GLIS3: variants seen among roughly 807,000 people sequenced by gnomAD.
GLIS3 encodes GLIS family zinc finger 3.
A neutral mutation model predicts 78.6 loss-of-function variants in GLIS3; 53 were observed. The ratio of observed to expected loss-of-function variants is 0.67; its 90% confidence interval spans 0.54 to 0.85. The LOEUF is 0.85. Among genes scored for constraint, GLIS3 ranks in the 40% least tolerant of loss-of-function variants. The pLI is 0.00. For missense variants in GLIS3, 1,703 were observed against 1,231.1 expected, an observed-to-expected ratio of 1.38 and a Z score of -5.74; for synonymous variants, 684 against 509.9, an observed-to-expected ratio of 1.34 and a Z score of -4.60.
the GLIS3 span, among the ~76,000 whole-genome samples, chr9:4,366,284 C>A: frequency 1.3e-5 from 2 of 151,710 alleles, no homozygotes; most frequent in Non-Finnish European, 3.0e-5. Flanking sequence ...GAATCATTGT[C>A]GTCAAATAAT....
chr9:4,466,270 C>T, the GLIS3 span, among the ~76,000 whole-genome samples: 9 of 152,250 alleles, frequency 5.9e-5, no homozygotes, highest in Middle Eastern at 0.01. Flanking sequence ...ATAGAAAACT[C>T]GAACTGCCCA....
the GLIS3 span, among the ~76,000 whole-genome samples, chr9:4,372,560 A>T: frequency 2.0e-5 from 3 of 151,708 alleles, no homozygotes; most frequent in African/African-American, 7.3e-5. Flanking sequence ...CCAATAAAAA[A>T]AAAAAAAAAA....
intron 2 of GLIS3, among the ~76,000 whole-genome samples, chr9:4,208,197 T>C (rs1292512116): frequency 1.3e-5 from 2 of 152,222 alleles, no homozygotes; most frequent in African/African-American, 4.8e-5. Flanking sequence ...AAGAAACTGA[T>C]TTCTAAAATA....
At chr9:4,483,019 G>C in the GLIS3 span, among the ~76,000 whole-genome samples, 2 of 152,186 alleles carry the variant, frequency 1.3e-5, no homozygotes, top group African/African-American at 4.8e-5. Flanking sequence ...TCTTCCAGGA[G>C]CTGAGTGGCC....
rs753240320 is a variant in GLIS3, at chr9:4,286,153, G to A, written c.273C>T (p.Leu91=). Residue 91 remains leucine, a synonymous_variant, in exon 2 of 11, where the codon CTC becomes CTT. Transcript: ENST00000381971. ...LPALSPRRQM[L]TNGKPRFQVT... Reference sequence around the variant, plus strand: ...CCTGGAATCGCGGCTTCCCATTGGTGAGCATTTGTCTCCTGGGGCTTAAGG... The same window carrying A: ...CCTGGAATCGCGGCTTCCCATTGGTAAGCATTTGTCTCCTGGGGCTTAAGG... 77 of 1,614,034 alleles carry A rather than the reference G, an allele frequency of 4.8e-5. No homozygotes were observed. In the South Asian group the frequency reaches 5.1e-4, roughly 11 times the overall value.
chr9:3,949,964 T>G (rs1442016382), intron 4 of GLIS3, among the ~76,000 whole-genome samples: 1 of 152,098 alleles, frequency 6.6e-6, no homozygotes, highest in African/African-American at 2.4e-5. Context: ...CTATTCAACA[T>G]CTCTACACTG....
At chr9:4,034,753 C>T (rs1167681758) in intron 4 of GLIS3, 1 of 152,222 alleles carries the variant, frequency 6.6e-6, no homozygotes, top group Non-Finnish European at 1.5e-5. Context: ...AACCTGAGCA[C>T]TTCTTGGGGG....
intron 4 of GLIS3, among the ~76,000 whole-genome samples, chr9:3,957,611 A>C (rs1271480835): frequency 2.6e-5 from 4 of 152,216 alleles, no homozygotes; most frequent in Non-Finnish European, 5.9e-5. Flanking sequence ...AGTGATTTTA[A>C]ATAGAAGTCA....
At chr9:3,947,228 C>A (rs1164153080) in intron 4 of GLIS3, among the ~76,000 whole-genome samples, 1 of 152,224 alleles carries the variant, frequency 6.6e-6, no homozygotes, top group Non-Finnish European at 1.5e-5. Flanking sequence ...ATGAGAATTG[C>A]CACTTCTTGC....
At chr9:4,049,230 G>A (rs1230621454) in intron 4 of GLIS3, among the ~76,000 whole-genome samples, 1 of 152,166 alleles carries the variant, frequency 6.6e-6, no homozygotes, top group Non-Finnish European at 1.5e-5. Context: ...TGTACTGCTT[G>A]TCAAAATACT....
chr9:4,253,375 G>C (rs1235854693), intron 2 of GLIS3, among the ~76,000 whole-genome samples: 2 of 152,250 alleles, frequency 1.3e-5, no homozygotes, highest in African/African-American at 2.4e-5. Flanking sequence ...GCTCTGCCCA[G>C]TTTGAAATTC....
At chr9:3,902,307 A>C (rs761111525) in intron 6 of GLIS3, among the ~76,000 whole-genome samples, 5 of 152,184 alleles carry the variant, frequency 3.3e-5, no homozygotes, top group Non-Finnish European at 7.3e-5. Flanking sequence ...AGTGTCCCTC[A>C]CAGATCTTCA....
intron 2 of GLIS3, among the ~76,000 whole-genome samples, chr9:4,192,517 GT>G (rs1818417588): frequency 6.6e-6 from 1 of 152,210 alleles, no homozygotes; most frequent in South Asian, 2.1e-4. Flanking sequence ...AGAACTGCCT[GT>G]ACTGGTTTCA....
intron 4 of GLIS3, among the ~76,000 whole-genome samples, chr9:4,050,546 T>C (rs1417617915): frequency 1.3e-5 from 2 of 152,118 alleles, no homozygotes; most frequent in Non-Finnish European, 2.9e-5. Context: ...TGTATACCCA[T>C]GTATCAAACC....
intron 2 of GLIS3, among the ~76,000 whole-genome samples, chr9:4,310,922 C>T (rs567797240): frequency 3.9e-5 from 6 of 152,210 alleles, no homozygotes; most frequent in East Asian, 3.8e-4. Context: ...TGTCTAAAAT[C>T]GTAGTCTGAA....
At chr9:4,401,379 C>T in the GLIS3 span, among the ~76,000 whole-genome samples, 1 of 151,748 alleles carries the variant, frequency 6.6e-6, no homozygotes, top group Non-Finnish European at 1.5e-5. Flanking sequence ...CCTGCCTCAG[C>T]CTCCCGATTA....
At chr9:3,911,508 C>G (rs1824151097) in intron 6 of GLIS3, among the ~76,000 whole-genome samples, 1 of 152,092 alleles carries the variant, frequency 6.6e-6, no homozygotes, top group Non-Finnish European at 1.5e-5. Context: ...TAAATGTCTG[C>G]CCCAAACTAA....
chr9:3,999,815 T>C (rs1212014135), intron 4 of GLIS3, among the ~76,000 whole-genome samples: 2 of 152,086 alleles, frequency 1.3e-5, no homozygotes, highest in African/African-American at 4.8e-5. Flanking sequence ...CAAGTCAGGT[T>C]TAAAGAAGAA....
chr9:3,898,129 C>A (rs990061595), intron 7 of GLIS3: 3 of 165,210 alleles, frequency 1.8e-5, no homozygotes, highest in African/African-American at 7.2e-5. Context: ...TTGTTTTTTA[C>A]TACATACATG....
Sources: allele counts gnomAD v4.1 joint callset (sites outside exome capture counted in the v4.1 genomes callset), GRCh38; gene constraint gnomAD v4.1.1; transcripts MANE v1.5; gene names NCBI Gene and HGNC (gene_info 2026-07-23, HGNC 2026-07-21).